The following PRKD1 variants were observed in gnomAD, a reference collection of about 807,000 sequenced individuals.
PRKD1 encodes protein kinase D1.
Under a neutral mutation model 95.9 loss-of-function variants are expected in PRKD1, and 63 were observed. That is an observed-to-expected ratio of 0.66 (90% confidence interval 0.54 to 0.81). The LOEUF (loss-of-function observed/expected upper bound fraction) is 0.81. PRKD1 is among the 30% of genes least tolerant of loss of function. The pLI, the probability that PRKD1 is intolerant of heterozygous loss-of-function variation, is 0.00. For synonymous variants in PRKD1, 425 were observed against 423.1 expected (o/e 1.00, Z -0.05); for missense variants, 1,048 against 1,165.3 (o/e 0.90, Z 1.47).
At chr14:29,721,274 C>G (rs1379346423) in intron 2 of PRKD1, among the ~76,000 whole-genome samples, 2 of 152,116 alleles carry the variant, frequency 1.3e-5, no homozygotes, top group African/African-American at 4.8e-5. Flanking sequence ...ACAAGATAAT[C>G]TACTGTAAAT....
chr14:29,601,016 C>A (rs2139018383), intron 13 of PRKD1, among the ~76,000 whole-genome samples: 1 of 152,018 alleles, frequency 6.6e-6, no homozygotes. Context: ...CAGGAACTAA[C>A]TTAAATGTGC....
intron 1 of PRKD1, among the ~76,000 whole-genome samples, chr14:29,846,835 C>G (rs561388877): frequency 6.6e-6 from 1 of 152,260 alleles, no homozygotes; most frequent in Non-Finnish European, 1.5e-5. Context: ...TGTAAAGATA[C>G]AGCTGAAAGC....
intron 13 of PRKD1, among the ~76,000 whole-genome samples, chr14:29,614,205 T>A (rs574587987): frequency 6.6e-6 from 1 of 152,274 alleles, no homozygotes; most frequent in South Asian, 2.1e-4. Flanking sequence ...AATGGGAAAA[T>A]TTGAAATACT....
chr14:29,780,068 G>A lies in PRKD1; in HGVS notation c.265-54394C>T, dbSNP rs540975733. On this transcript the variant is annotated intron_variant, in intron 1 of 17. Coordinates refer to ENST00000331968, the MANE Select transcript of PRKD1 (RefSeq NM_002742.3). ...TTCCCTGTTTAATAAATGGTGTTGA[G>A]AAAACTGGCTAGCCATATGTAGAAA... 1.4e-4 allele frequency among the ~76,000 whole-genome samples: 21 copies of A among 152,278 alleles called. 1 individual carries two copies. In the South Asian group the frequency reaches 4.1e-3, roughly 30 times the overall value.
At position 29,896,998 on chromosome 14, in the gene PRKD1, A is replaced by G. The variant is rs992249520; in HGVS notation, c.264+30251T>C. On this transcript the variant is annotated intron_variant, in intron 1 of 17. Coordinates refer to ENST00000331968, the MANE Select transcript of PRKD1 (RefSeq NM_002742.3). ...TTTATCTAATAATAAAAAATTTATA[A>G]TTTTTTCATATTTTATAAAAAATGA... 6.6e-5 allele frequency among the ~76,000 whole-genome samples: 10 copies of G among 151,838 alleles called. No individual in the cohort carries two copies. The East Asian group carries it at 1.5e-3, about 23-fold the overall frequency.
At chr14:29,920,906 C>T (rs1895077507) in intron 1 of PRKD1, among the ~76,000 whole-genome samples, 1 of 152,112 alleles carries the variant, frequency 6.6e-6, no homozygotes, top group African/African-American at 2.4e-5. Flanking sequence ...TAGCAAACAA[C>T]CTCTAGATGT....
At chr14:29,881,401 G>A (rs1271937248) in intron 1 of PRKD1, among the ~76,000 whole-genome samples, 5 of 152,010 alleles carry the variant, frequency 3.3e-5, no homozygotes, top group Admixed American at 2.6e-4. Flanking sequence ...TTGTGGAACT[G>A]TAAATACAAT....
At chr14:29,638,624 T>A in intron 5 of PRKD1, 58 bp from the exon 6 acceptor site, 1 of 1,612,494 alleles carries the variant, frequency 6.2e-7, no homozygotes, top group Non-Finnish European at 8.5e-7. Context: ...AGAAAAGTGG[T>A]AACCAGAAAA....
intron 1 of PRKD1, among the ~76,000 whole-genome samples, chr14:29,738,262 TAAGAAAC>T (rs1314727604): frequency 6.6e-5 from 10 of 152,186 alleles, no homozygotes; most frequent in Admixed American, 4.6e-4. Flanking sequence ...AATGTAATCT[TAAGAAAC>T]AGAAACCAGA....
chr14:29,833,319 A>G (rs1187411655), intron 1 of PRKD1, among the ~76,000 whole-genome samples: 1 of 152,118 alleles, frequency 6.6e-6, no homozygotes, highest in Non-Finnish European at 1.5e-5. Context: ...ATTTTCTTTC[A>G]ATATAAGATA....
At chr14:29,833,370 A>T (rs1048753483) in intron 1 of PRKD1, among the ~76,000 whole-genome samples, 3 of 152,144 alleles carry the variant, frequency 2.0e-5, no homozygotes, top group Non-Finnish European at 4.4e-5. Context: ...CTATTCTTTT[A>T]TAATAAACCT....
intron 1 of PRKD1, among the ~76,000 whole-genome samples, chr14:29,831,919 T>C (rs1891428171): frequency 6.6e-6 from 1 of 152,204 alleles, no homozygotes; most frequent in African/African-American, 2.4e-5. Context: ...GGGGGACCTG[T>C]CCATGTTAAT....
intron 13 of PRKD1, among the ~76,000 whole-genome samples, chr14:29,607,649 CT>C (rs2139037253): frequency 6.6e-6 from 1 of 151,368 alleles, no homozygotes; most frequent in African/African-American, 2.4e-5. Context: ...CCTTCTCACA[CT>C]TTGAATCTTT....
intron 17 of PRKD1, 80 bp from the exon 18 acceptor site, chr14:29,577,536 A>G (rs1892599839): frequency 3.0e-6 from 4 of 1,337,212 alleles, no homozygotes; most frequent in East Asian, 2.3e-5. Context: ...AGTTTCTGCA[A>G]TCTATGAGTT....
intron 16 of PRKD1, among the ~76,000 whole-genome samples, chr14:29,595,259 T>C (rs1366351719): frequency 6.6e-6 from 1 of 152,202 alleles, no homozygotes; most frequent in Non-Finnish European, 1.5e-5. Flanking sequence ...CTTGCTAAAA[T>C]GCTATGTCTC....
rs17096033 is a variant in PRKD1 at position 29,745,977 on chromosome 14, G to A, written c.265-20303C>T. On this transcript the variant is annotated intron_variant, in intron 1 of 17. Transcript: ENST00000331968. ...TGACCTGTATTTACTGGGACGGTCC[G>A]TTCCCCTTTGACTCTTAAAATAAAA... 6.6e-3 allele frequency among the ~76,000 whole-genome samples: 997 copies of A among 152,182 alleles called. 20 individuals carry two copies. Among genetic ancestry groups the A allele is most frequent in the East Asian group, 0.039 (203 of 5,172 alleles).
chr14:29,615,147 C>CATA (rs1878768193), intron 13 of PRKD1, among the ~76,000 whole-genome samples: 1 of 151,714 alleles, frequency 6.6e-6, no homozygotes. Flanking sequence ...AGGAATGTTG[C>CATA]AAAATGTACT....
chr14:29,862,602 C>T (rs989726562), intron 1 of PRKD1, among the ~76,000 whole-genome samples: 3 of 152,160 alleles, frequency 2.0e-5, no homozygotes, highest in African/African-American at 4.8e-5. Context: ...CTGTAGTTTG[C>T]ATTTCTCTGA....
Position 29,623,501 on chromosome 14 carries a change from C to T in PRKD1, c.1905+651G>A, listed in dbSNP as rs1879415143. Among the ~76,000 whole-genome samples the T allele has an allele frequency of 2.6e-5, 4 of 152,138 alleles. No individual in the cohort carries two copies. In the South Asian group the frequency reaches 6.2e-4, roughly 24 times the overall value. On this transcript the variant is annotated intron_variant, in intron 13 of 17. Transcript: ENST00000331968. Reference sequence around the variant, plus strand: ...AATCGGAATTTATCAATGATCTCAACTGAGTAGACTAGATAGCCATGATGA... The same window carrying T: ...AATCGGAATTTATCAATGATCTCAATTGAGTAGACTAGATAGCCATGATGA...
Sources: gnomAD v4.1 joint callset for allele counts (sites outside exome capture counted in the v4.1 genomes callset) on GRCh38, gnomAD v4.1.1 for gene constraint, MANE v1.5 for transcripts, NCBI Gene and HGNC (gene_info 2026-07-23, HGNC 2026-07-21) for gene names.